The following DACH1 variants were observed in gnomAD, a reference collection of about 807,000 sequenced individuals.
DACH1 encodes dachshund homolog 1.
In DACH1, 12 loss-of-function variants were observed where a neutral mutation model predicts 54.2. That is an observed-to-expected ratio of 0.22 (90% CI 0.14 to 0.36). The LOEUF is 0.36. DACH1 is among the 10% of genes least tolerant of loss of function. DACH1 has a pLI of 1.00. For synonymous variants in DACH1, 386 were observed against 366.2 expected (o/e 1.05, Z -0.62); for missense variants, 805 against 929.8 (o/e 0.87, Z 1.75).
chr13:71,466,204 A>T (rs1465431641), intron 10 of DACH1, among the ~76,000 whole-genome samples: 1 of 152,172 alleles, frequency 6.6e-6, no homozygotes, highest in Admixed American at 6.5e-5. Flanking sequence ...AAATGGATCT[A>T]GCATTGATCT....
At chr13:71,535,016 T>C (rs1158305278) in intron 6 of DACH1, among the ~76,000 whole-genome samples, 1 of 151,896 alleles carries the variant, frequency 6.6e-6, no homozygotes, top group Non-Finnish European at 1.5e-5. Flanking sequence ...AGTGACTATC[T>C]GACTCTTTAA....
intron 1 of DACH1, among the ~76,000 whole-genome samples, chr13:71,801,161 G>A (rs1175837527): frequency 6.6e-6 from 1 of 152,108 alleles, no homozygotes; most frequent in African/African-American, 2.4e-5. Flanking sequence ...TTTGCCTTAT[G>A]TGAAGCAAAT....
At chr13:71,693,648 G>A (rs533779184) in intron 1 of DACH1, among the ~76,000 whole-genome samples, 1 of 151,968 alleles carries the variant, frequency 6.6e-6, no homozygotes, top group East Asian at 1.9e-4. Context: ...AGTTACCAGT[G>A]GTCAACTGCT....
chr13:71,545,844 T>C (rs1481071362), intron 6 of DACH1, among the ~76,000 whole-genome samples: 1 of 152,068 alleles, frequency 6.6e-6, no homozygotes, highest in African/African-American at 2.4e-5. Flanking sequence ...AAACAACTTG[T>C]TCCCTTCATT....
intron 3 of DACH1, among the ~76,000 whole-genome samples, chr13:71,590,955 T>C (rs1873670782): frequency 7.1e-6 from 1 of 140,980 alleles, no homozygotes; most frequent in African/African-American, 2.6e-5. Context: ...CTCAGGTCAC[T>C]GCAGCCTCTG....
chr13:71,857,284 CTTT>C (rs1157323418), intron 1 of DACH1, among the ~76,000 whole-genome samples: 1 of 151,642 alleles, frequency 6.6e-6, no homozygotes, highest in Non-Finnish European at 1.5e-5. Flanking sequence ...TAAACTACTT[CTTT>C]AACTCTAAAA....
intron 7 of DACH1, among the ~76,000 whole-genome samples, chr13:71,481,515 G>A (rs1297047279): frequency 6.6e-6 from 1 of 152,064 alleles, no homozygotes; most frequent in Non-Finnish European, 1.5e-5. Context: ...GTGACTAATG[G>A]TAATACATTA....
intron 1 of DACH1, among the ~76,000 whole-genome samples, chr13:71,735,074 A>G (rs1344047595): frequency 5.3e-5 from 8 of 150,816 alleles, no homozygotes; most frequent in Non-Finnish European, 8.9e-5. Flanking sequence ...TATATATGGG[A>G]TATACGTATA....
intron 1 of DACH1, among the ~76,000 whole-genome samples, chr13:71,688,151 A>G (rs1012911704): frequency 6.6e-6 from 1 of 152,260 alleles, no homozygotes; most frequent in Non-Finnish European, 1.5e-5. Context: ...ACTATAAACT[A>G]TGAAAAGCAC....
chr13:71,670,629 T>C (rs1880151596), intron 2 of DACH1, among the ~76,000 whole-genome samples: 1 of 152,058 alleles, frequency 6.6e-6, no homozygotes, highest in Non-Finnish European at 1.5e-5. Context: ...AACTAAGACT[T>C]CCTATACCTA....
intron 6 of DACH1, among the ~76,000 whole-genome samples, chr13:71,542,481 T>C (rs548587284): frequency 6.6e-6 from 1 of 152,134 alleles, no homozygotes; most frequent in African/African-American, 2.4e-5. Context: ...AAAGAATTGA[T>C]AGAGAAAAAT....
chr13:71,567,022 C>T (rs1884931228), intron 4 of DACH1, among the ~76,000 whole-genome samples: 1 of 151,980 alleles, frequency 6.6e-6, no homozygotes, highest in Non-Finnish European at 1.5e-5. Context: ...ATGCAAGTAA[C>T]ATCCTGTTTC....
In DACH1 at chr13:71,440,147, C is replaced by T. The variant is rs1873884967; in HGVS notation, c.*508G>A. On this transcript the variant is annotated 3_prime_UTR_variant, in exon 11 of 11. Transcript: ENST00000613252. ...TTTGAAATTGAATGTAACAGAAAAT[C>T]ACTCTTGCATTTTTTTTTTTCAAGA... 1 of 151,578 alleles carries T rather than the reference C, an allele frequency of 6.6e-6. No homozygotes were observed. The highest frequency in any genetic ancestry group is 1.5e-5 in the Non-Finnish European group (1 of 67,810). The allele number at this position is 151,578 out of a possible 1,614,324, so 9.4% of individuals were successfully genotyped here.
chr13:71,798,011 A>G (rs978199886), intron 1 of DACH1, among the ~76,000 whole-genome samples: 3 of 152,066 alleles, frequency 2.0e-5, no homozygotes, highest in Non-Finnish European at 4.4e-5. Context: ...TTTAAACTCC[A>G]CTTTAAGTCC....
chr13:71,526,708 A>ATATATATATATATATATAGG (rs1037844198), intron 6 of DACH1, among the ~76,000 whole-genome samples: 28 of 144,058 alleles, frequency 1.9e-4, no homozygotes, highest in Non-Finnish European at 3.6e-4. Context: ...GTGTGTGTGT[A>ATATATATATATATATATAGG]TATATATATA....
At chr13:71,730,930 A>G (rs1227686843) in intron 1 of DACH1, among the ~76,000 whole-genome samples, 1 of 152,024 alleles carries the variant, frequency 6.6e-6, no homozygotes, top group African/African-American at 2.4e-5. Context: ...TGAGACTCTT[A>G]AGGCATTCAA....
At chr13:71,535,321 A>G (rs1882696525) in intron 6 of DACH1, among the ~76,000 whole-genome samples, 1 of 151,866 alleles carries the variant, frequency 6.6e-6, no homozygotes, top group South Asian at 2.1e-4. Context: ...TCTTTACAAA[A>G]TTTAAAATGT....
chr13:71,717,026 C>A (rs1028782248), intron 1 of DACH1, among the ~76,000 whole-genome samples: 1 of 151,848 alleles, frequency 6.6e-6, no homozygotes, highest in Non-Finnish European at 1.5e-5. Context: ...ACAGGAATAG[C>A]CTTTCCAAAA....
At position 71,500,541 on chromosome 13, in the gene DACH1, A is replaced by G. The variant is rs116983911; in HGVS notation, c.1571-11393T>C. ...ACTTTTAGACTAAAATTATCATGGA[A>G]TTATAAAAAATGTAAGAGGCCTTTG... is the stretch of plus-strand genomic sequence containing the variant. On this transcript the variant is annotated intron_variant, in intron 6 of 10. Coordinates refer to ENST00000613252, the MANE Select transcript of DACH1 (RefSeq NM_080759.6). Among the ~76,000 whole-genome samples the G allele has an allele frequency of 1.1e-4, 17 of 152,304 alleles. No homozygotes were observed. The East Asian group carries it at 3.3e-3, about 29-fold the overall frequency.
Sources: allele counts gnomAD v4.1 joint callset (sites outside exome capture counted in the v4.1 genomes callset), GRCh38; gene constraint gnomAD v4.1.1; transcripts MANE v1.5; gene names NCBI Gene and HGNC (gene_info 2026-07-23, HGNC 2026-07-21).